The following PHAF1 variants were observed in gnomAD, a reference collection of about 807,000 sequenced individuals.
PHAF1 encodes phagophore assembly factor 1.
A neutral mutation model predicts 63.1 loss-of-function variants in PHAF1; 23 were observed. The ratio of observed to expected loss-of-function variants is 0.36; its 90% CI spans 0.26 to 0.52. The LOEUF is 0.52. Among genes scored for constraint, PHAF1 ranks in the 20% least tolerant of loss-of-function variants. PHAF1 has a pLI of 0.93. For synonymous variants in PHAF1, 167 were observed against 185.0 expected (o/e 0.90, Z 0.79); for missense variants, 427 against 517.2 (o/e 0.83, Z 1.69).
At chr16:67,136,027 G>A (rs1288403882) in intron 8 of PHAF1, 1 of 152,210 alleles carries the variant, frequency 6.6e-6, no homozygotes, top group African/African-American at 2.4e-5. Flanking sequence ...TAGTTGGCCG[G>A]GTGCAGTGGC....
chr16:67,142,640 G>C (rs934755150), intron 10 of PHAF1, among the ~76,000 whole-genome samples: 3 of 152,236 alleles, frequency 2.0e-5, no homozygotes, highest in Non-Finnish European at 4.4e-5. Flanking sequence ...GTGGGGAGAG[G>C]CTAGGTAGTG....
chr16:67,130,943 G>GT (rs919049559), intron 3 of PHAF1, among the ~76,000 whole-genome samples: 3 of 152,082 alleles, frequency 2.0e-5, no homozygotes, highest in African/African-American at 4.8e-5. Flanking sequence ...GGGGAAACTG[G>GT]TTTTTTCCCT....
Position 67,122,765 on chromosome 16 carries a change from G to A in PHAF1, c.147+2571G>A, listed in dbSNP as rs574355138. Among the ~76,000 whole-genome samples the A allele has an allele frequency of 9.5e-4, 144 of 152,166 alleles. 1 individual carries two copies. Among genetic ancestry groups the A allele is most frequent in the African/African-American group, 3.0e-3 (125 of 41,518 alleles). ...TGTTTCTGAGACAGAGTCTTGCTCC[G>A]TCACCCAGGCTGGGGTACAGTGGCA... On this transcript the variant is annotated intron_variant, in intron 2 of 15. Transcript: ENST00000219139.
chr16:67,129,070 G>T (rs1963295920), intron 3 of PHAF1, among the ~76,000 whole-genome samples: 1 of 152,212 alleles, frequency 6.6e-6, no homozygotes, highest in Non-Finnish European at 1.5e-5. Flanking sequence ...TGAAGGTAGA[G>T]GCTCTCTGCT....
intron 8 of PHAF1, among the ~76,000 whole-genome samples, chr16:67,137,014 G>A (rs1030326167): frequency 2.6e-5 from 4 of 152,124 alleles, no homozygotes; most frequent in Non-Finnish European, 4.4e-5. Context: ...AATTAGCCAG[G>A]CATGGTGGCA....
At chr16:67,117,700 C>T (rs962391708) in intron 1 of PHAF1, among the ~76,000 whole-genome samples, 1 of 150,226 alleles carries the variant, frequency 6.7e-6, no homozygotes, top group Non-Finnish European at 1.5e-5. Context: ...GCGGAGCTTG[C>T]AGTGAGCGGA....
At position 67,134,198 on chromosome 16, in the gene PHAF1, C is replaced by T; in HGVS notation, c.481C>T (p.Gln161Ter). 1 of 1,614,124 alleles carries T rather than the reference C, an allele frequency of 6.2e-7. No homozygotes were observed. Among genetic ancestry groups the T allele is most frequent in the Non-Finnish European group, 8.5e-7 (1 of 1,180,004 alleles). ...TTTTGCCCATGGCCTGGCTTCTCTC[C>T]AGATACCCCATGGAGCAACTGTAAA... ...PNFAHGLASL[Q>*]IPHGATVKRM... Residue 161 changes from glutamine (Q) to a stop codon, truncating the protein, a stop_gained, in exon 7 of 16, where the codon CAG (glutamine) becomes TAG (stop). Coordinates refer to ENST00000219139, the MANE Select transcript of PHAF1 (RefSeq NM_025187.5). LOFTEE classifies it high-confidence loss of function.
Position 67,144,314 on chromosome 16 carries a change from TACAC to T in PHAF1, c.904_907del (p.His302LysfsTer2). 6.2e-7 allele frequency: 1 copy of T among 1,611,910 alleles called. No individual in the cohort carries two copies. Among genetic ancestry groups the T allele is most frequent in the East Asian group, 2.2e-5 (1 of 44,872 alleles). ...CCCAGGACATCCTCTTTGATGCGAA[TACAC>T]ACAAAGTGAAGAAGTTTGTTCTACA... is the stretch of plus-strand genomic sequence containing the variant. On this transcript the variant is annotated frameshift_variant, in exon 11 of 16. Transcript: ENST00000219139. LOFTEE classifies it high-confidence loss of function.
At chr16:67,115,726 A>G (rs1180259731) in intron 1 of PHAF1, among the ~76,000 whole-genome samples, 1 of 152,138 alleles carries the variant, frequency 6.6e-6, no homozygotes, top group Non-Finnish European at 1.5e-5. Flanking sequence ...CTCCTTTACC[A>G]GTAGCTGTGT....
intron 1 of PHAF1, among the ~76,000 whole-genome samples, chr16:67,111,186 G>C (rs1962502939): frequency 6.6e-6 from 1 of 152,198 alleles, no homozygotes; most frequent in Non-Finnish European, 1.5e-5. Flanking sequence ...AGTTGTGACA[G>C]GTGAAGGTTG....
intron 8 of PHAF1, chr16:67,135,568 T>A (rs1453324403): frequency 6.6e-6 from 1 of 152,164 alleles, no homozygotes; most frequent in Non-Finnish European, 1.5e-5. Context: ...GCCTCAAAAC[T>A]CCTGGGCTCA....
chr16:67,135,145 T>TTTTTTC lies in PHAF1; in HGVS notation c.661+690_661+695dup, dbSNP rs552595266. The TTTTTTC allele has an allele frequency of 2.5e-4, 40 of 157,772 alleles. No individual in the cohort carries two copies. In the South Asian group the frequency reaches 6.3e-3, roughly 25 times the overall value. 9.8% of individuals were successfully genotyped at this position (157,772 alleles called of 1,614,324 possible). A position where few individuals can be genotyped will look rare whatever the true frequency, so the allele number is the denominator to read the frequency against. On this transcript the variant is annotated intron_variant, in intron 8 of 15. Transcript: ENST00000219139. ...GTGCTACTGCTCTCCCCTTTTTTGT[T>TTTTTTC]TTTTTCTTTTTCTTTTTTTTGAGAC... is the stretch of plus-strand genomic sequence containing the variant.
chr16:67,131,201 AC>A, intron 3 of PHAF1, 84 bp from the exon 4 acceptor site: 1 of 285,936 alleles, frequency 3.5e-6, no homozygotes. Flanking sequence ...TTTTTTTTTT[AC>A]TATTTATTCT....
intron 1 of PHAF1, among the ~76,000 whole-genome samples, chr16:67,117,715 G>A (rs889410766): frequency 1.3e-5 from 2 of 149,990 alleles, no homozygotes; most frequent in South Asian, 2.1e-4. Context: ...AGCGGAAATC[G>A]CACCATTGCA....
intron 1 of PHAF1, among the ~76,000 whole-genome samples, chr16:67,116,764 C>A (rs536866647): frequency 3.9e-5 from 6 of 152,236 alleles, no homozygotes; most frequent in African/African-American, 1.4e-4. Flanking sequence ...GTGGGAGTAT[C>A]TCTTGAGCCT....
intron 1 of PHAF1, among the ~76,000 whole-genome samples, chr16:67,114,363 A>G (rs1962653276): frequency 6.6e-6 from 1 of 151,928 alleles, no homozygotes; most frequent in Non-Finnish European, 1.5e-5. Context: ...TTTAAAAAAA[A>G]AGAAATGATC....
intron 2 of PHAF1, among the ~76,000 whole-genome samples, chr16:67,125,077 C>T (rs1338305432): frequency 6.6e-6 from 1 of 152,126 alleles, no homozygotes; most frequent in Admixed American, 6.6e-5. Context: ...GCAGATGGGG[C>T]AGACACAAGA....
intron 8 of PHAF1, chr16:67,136,443 A>C (rs1450333681): frequency 6.6e-6 from 1 of 151,370 alleles, no homozygotes; most frequent in Non-Finnish European, 1.5e-5. Context: ...TGGGAGCTTC[A>C]GCGTGGAGTT....
chr16:67,122,041 G>T (rs1049919901), intron 2 of PHAF1, among the ~76,000 whole-genome samples: 1 of 152,014 alleles, frequency 6.6e-6, no homozygotes, highest in East Asian at 1.9e-4. Flanking sequence ...GGGACCACAG[G>T]TTCATGCCAC....
Sources: gnomAD v4.1 joint callset for allele counts (sites outside exome capture counted in the v4.1 genomes callset) on GRCh38, gnomAD v4.1.1 for gene constraint, MANE v1.5 for transcripts, NCBI Gene and HGNC (gene_info 2026-07-23, HGNC 2026-07-21) for gene names.